Variants in TTLL7 observed in about 807,000 individuals in gnomAD.
The protein encoded by TTLL7 is tubulin tyrosine ligase like 7.
TTLL7 carries 53 observed loss-of-function variants against 120.2 expected under a neutral mutation model. The observed-to-expected ratio is 0.44, with a 90% CI of 0.35 to 0.55. TTLL7 has a LOEUF of 0.55. Ranked by LOEUF, TTLL7 falls within the 20% of genes least tolerant of loss-of-function variation. TTLL7 has a pLI of 0.00. For synonymous variants in TTLL7, 353 were observed against 351.7 expected (o/e 1.00, Z -0.04); for missense variants, 803 against 1,054.7 (o/e 0.76, Z 3.31).
chr1:83,975,569 G>C (rs537284957), intron 1 of TTLL7, among the ~76,000 whole-genome samples: 1 of 152,074 alleles, frequency 6.6e-6, no homozygotes, highest in African/African-American at 2.4e-5. Flanking sequence ...TGAGAAAACT[G>C]AGACTCAAAG....
At chr1:83,987,327 G>C (rs928865212) in intron 1 of TTLL7, among the ~76,000 whole-genome samples, 8 of 151,846 alleles carry the variant, frequency 5.3e-5, no homozygotes, top group Admixed American at 5.2e-4. Flanking sequence ...TAAACACCTG[G>C]GGACATGCCA....
chr1:83,948,167 A>G (rs190764215), intron 5 of TTLL7, among the ~76,000 whole-genome samples: 419 of 139,768 alleles, frequency 3.0e-3, no homozygotes, highest in African/African-American at 0.011. Flanking sequence ...TCAATCACCA[A>G]TATGAAGACA....
intron 1 of TTLL7, among the ~76,000 whole-genome samples, chr1:83,985,080 T>C (rs1652320121): frequency 1.3e-5 from 2 of 152,280 alleles, no homozygotes; most frequent in South Asian, 2.1e-4. Context: ...TTAGGGAGAA[T>C]TGGCTCACAG....
At chr1:83,955,704 C>T (rs1288780525) in intron 1 of TTLL7, among the ~76,000 whole-genome samples, 1 of 152,184 alleles carries the variant, frequency 6.6e-6, no homozygotes, top group African/African-American at 2.4e-5. Flanking sequence ...CGGGCTAAGA[C>T]ACTGAGTTAA....
chr1:83,964,158 A>C (rs1324988373), intron 1 of TTLL7, among the ~76,000 whole-genome samples: 1 of 152,156 alleles, frequency 6.6e-6, no homozygotes, highest in Non-Finnish European at 1.5e-5. Context: ...TATTTTAATA[A>C]CTTTAGCTCA....
At chr1:83,871,841 G>A (rs1411262891) in intron 20 of TTLL7, among the ~76,000 whole-genome samples, 2 of 147,330 alleles carry the variant, frequency 1.4e-5, no homozygotes, top group Admixed American at 6.9e-5. Context: ...AGCTTGCAGT[G>A]AGCCGAGATC....
chr1:83,912,995 T>C (rs542561424), intron 14 of TTLL7: 1 of 152,284 alleles, frequency 6.6e-6, no homozygotes, highest in South Asian at 2.1e-4. Flanking sequence ...AGCAAACAGC[T>C]TTAAGTGTTC....
chr1:83,873,971 TACATA>T (rs1219264482), intron 20 of TTLL7, among the ~76,000 whole-genome samples: 4 of 152,090 alleles, frequency 2.6e-5, no homozygotes, highest in South Asian at 4.1e-4. Flanking sequence ...TATAGTGAAA[TACATA>T]ACATGAGTGT....
chr1:83,950,753 G>A (rs1183415744), intron 3 of TTLL7, among the ~76,000 whole-genome samples: 3 of 152,178 alleles, frequency 2.0e-5, no homozygotes, highest in Non-Finnish European at 2.9e-5. Flanking sequence ...CCAGGTGACA[G>A]TGTACAATCC....
chr1:83,998,370 G>A (rs529146347), intron 1 of TTLL7, among the ~76,000 whole-genome samples: 1 of 152,218 alleles, frequency 6.6e-6, no homozygotes, highest in Non-Finnish European at 1.5e-5. Context: ...ACTTTCATAG[G>A]GTATCTTTTA....
chr1:83,971,856 A>C (rs1282980741), intron 1 of TTLL7, among the ~76,000 whole-genome samples: 1 of 152,102 alleles, frequency 6.6e-6, no homozygotes, highest in Non-Finnish European at 1.5e-5. Flanking sequence ...AAAGAAGAAT[A>C]TTGGGAAGAA....
chr1:83,976,033 C>CTCTGTGTGTG (rs1241354482), intron 1 of TTLL7, among the ~76,000 whole-genome samples: 7 of 147,834 alleles, frequency 4.7e-5, no homozygotes, highest in Non-Finnish European at 7.5e-5. Flanking sequence ...TTGTCTCTCT[C>CTCTGTGTGTG]TGTGTGTGTG....
intron 13 of TTLL7, among the ~76,000 whole-genome samples, chr1:83,919,434 C>T (rs1658461198): frequency 6.6e-6 from 1 of 152,052 alleles, no homozygotes; most frequent in Non-Finnish European, 1.5e-5. Flanking sequence ...TACATATACA[C>T]ATCTATGTAA....
chr1:83,909,418 A>T (rs1657496004), intron 15 of TTLL7, among the ~76,000 whole-genome samples: 1 of 151,876 alleles, frequency 6.6e-6, no homozygotes, highest in African/African-American at 2.4e-5. Context: ...TGAATTTTTC[A>T]AACTATATAC....
chr1:83,918,510 T>C (rs1299599568), intron 13 of TTLL7, among the ~76,000 whole-genome samples: 3 of 152,150 alleles, frequency 2.0e-5, no homozygotes, highest in African/African-American at 7.2e-5. Context: ...AAGTTACTCT[T>C]TGTCCCAATC....
chr1:83,932,837 T>C (rs931801758), intron 9 of TTLL7, among the ~76,000 whole-genome samples: 4 of 151,986 alleles, frequency 2.6e-5, no homozygotes, highest in African/African-American at 4.8e-5. Flanking sequence ...CACGAGAAGG[T>C]GTGTAAACCC....
chr1:83,988,077 T>A (rs1387978296), intron 1 of TTLL7, among the ~76,000 whole-genome samples: 1 of 152,190 alleles, frequency 6.6e-6, no homozygotes, highest in Admixed American at 6.5e-5. Context: ...ATTGTTGTCA[T>A]CTTTACGTCC....
chr1:83,998,838 G>A (rs1363015649), intron 1 of TTLL7, 93 bp downstream of exon 1: 5 of 326,804 alleles, frequency 1.5e-5, no homozygotes, highest in Non-Finnish European at 3.0e-5. Context: ...ACAGTCCGGG[G>A]ATGGGGGCCC....
chr1:83,882,842 G>T, intron 20 of TTLL7, 121 bp downstream of exon 20: 1 of 1,137,084 alleles, frequency 8.8e-7, no homozygotes, highest in Non-Finnish European at 1.3e-6. Context: ...TAGCATGTAT[G>T]AACTTTCAGT....
Sources: gnomAD v4.1 joint callset for allele counts (sites outside exome capture counted in the v4.1 genomes callset) on GRCh38, gnomAD v4.1.1 for gene constraint, MANE v1.5 for transcripts, NCBI Gene and HGNC (gene_info 2026-07-23, HGNC 2026-07-21) for gene names.